Variants in DACH1 observed in about 807,000 individuals in gnomAD.
DACH1 encodes dachshund homolog 1.
In DACH1, 12 loss-of-function variants were observed where a neutral mutation model predicts 54.2. The ratio of observed to expected loss-of-function variants is 0.22; its 90% CI spans 0.14 to 0.36. The LOEUF (loss-of-function observed/expected upper bound fraction) is 0.36. DACH1 is among the 10% of genes least tolerant of loss of function. The pLI is 1.00. For synonymous variants in DACH1, 386 were observed against 366.2 expected (o/e 1.05, Z -0.62); for missense variants, 805 against 929.8 (o/e 0.87, Z 1.75).
intron 1 of DACH1, among the ~76,000 whole-genome samples, chr13:71,748,888 T>C (rs1326482550): frequency 8.3e-4 from 50 of 59,912 alleles, no homozygotes; most frequent in African/African-American, 3.2e-3. Flanking sequence ...CTTTCTTTCT[T>C]TCTTTCTTTC....
At chr13:71,620,471 C>G (rs1876145137) in intron 3 of DACH1, among the ~76,000 whole-genome samples, 2 of 151,746 alleles carry the variant, frequency 1.3e-5, no homozygotes, top group South Asian at 4.2e-4. Flanking sequence ...GATCTGTCTT[C>G]TGAACATAAT....
chr13:71,544,056 C>A (rs976756353), intron 6 of DACH1, among the ~76,000 whole-genome samples: 2 of 152,096 alleles, frequency 1.3e-5, no homozygotes, highest in Non-Finnish European at 2.9e-5. Flanking sequence ...AAGAACCACA[C>A]CTTCTCTCTT....
At chr13:71,727,449 T>C (rs1883523380) in intron 1 of DACH1, among the ~76,000 whole-genome samples, 1 of 152,142 alleles carries the variant, frequency 6.6e-6, no homozygotes, top group African/African-American at 2.4e-5. Flanking sequence ...CCTGTCTTCA[T>C]CACCAAAATC....
chr13:71,750,883 C>G (rs982531424), intron 1 of DACH1, among the ~76,000 whole-genome samples: 8 of 151,946 alleles, frequency 5.3e-5, no homozygotes, highest in Admixed American at 3.9e-4. Flanking sequence ...CCAAGTTAAA[C>G]CAGAAATTCT....
intron 1 of DACH1, among the ~76,000 whole-genome samples, chr13:71,738,053 T>C (rs74099117): frequency 0.04 from 6,034 of 152,236 alleles, 284 homozygotes; most frequent in African/African-American, 0.12. Context: ...AAAACGGACA[T>C]ATATTTGGAA....
chr13:71,866,439 C>A lies in DACH1; in HGVS notation c.331G>T (p.Ala111Ser). 2.1e-6 allele frequency: 3 copies of A among 1,398,914 alleles called. No individual in the cohort carries two copies. Among genetic ancestry groups the A allele is most frequent in the South Asian group, 1.5e-5 (1 of 68,664 alleles). 86.7% of individuals were successfully genotyped at this position (1,398,914 alleles called of 1,614,324 possible). Reference sequence around the variant, plus strand: ...CCGCCGCCGCCGCTGCCGTTGCTCGCGGCCGCCAGGTTGGGGTTGCAGTTG... The same window carrying A: ...CCGCCGCCGCCGCTGCCGTTGCTCGAGGCCGCCAGGTTGGGGTTGCAGTTG... ...GSNCNPNLAA[A>S]SNGSGGGGGG... is the part of the protein sequence containing the mutation. The change falls in exon 1 of 11, where the codon GCG (alanine) becomes TCG (serine). Residue 111 changes from alanine to serine, a missense_variant. Around this residue, in one of 3 missense-constraint regions of DACH1, gnomAD observed 305 missense variants for 308.7 expected, o/e 0.99. Transcript: ENST00000613252.
At chr13:71,814,561 G>T (rs1887837661) in intron 1 of DACH1, among the ~76,000 whole-genome samples, 1 of 152,112 alleles carries the variant, frequency 6.6e-6, no homozygotes, top group Admixed American at 6.6e-5. Context: ...AGCATTAAAG[G>T]ACTGAAATTA....
rs751655595 is a variant in DACH1 at position 71,475,868 on chromosome 13, A to ATAT, written c.1871-22_1871-20dup. 9 of 1,487,252 alleles carry ATAT rather than the reference A, an allele frequency of 6.1e-6. No homozygotes were observed. Among genetic ancestry groups the ATAT allele is most frequent in the Non-Finnish European group, 8.1e-6 (9 of 1,116,782 alleles). The allele number at this position is 1,487,252 out of a possible 1,614,324, so 92.1% of individuals were successfully genotyped here. ...ACTATGGCTAAAAAAGAGTGTATGC[A>ATAT]TATTATTATTATTATTTTTAAATTT... On this transcript the variant is annotated intron_variant, in intron 8 of 10. Transcript: ENST00000613252.
At chr13:71,712,243 A>T (rs991045939) in intron 1 of DACH1, among the ~76,000 whole-genome samples, 18 of 152,078 alleles carry the variant, frequency 1.2e-4, no homozygotes, top group African/African-American at 4.3e-4. Flanking sequence ...TTCAGAAATT[A>T]AATCTTTTTT....
At chr13:71,653,449 CTCTT>C (rs1878823548) in intron 2 of DACH1, among the ~76,000 whole-genome samples, 1 of 152,182 alleles carries the variant, frequency 6.6e-6, no homozygotes. Context: ...TCTCAGAAGG[CTCTT>C]TGAATTTTCA....
chr13:71,757,775 G>A (rs1182586159), intron 1 of DACH1, among the ~76,000 whole-genome samples: 6 of 151,754 alleles, frequency 4.0e-5, no homozygotes, highest in Non-Finnish European at 7.4e-5. Context: ...TGCCCACCTC[G>A]GCCTCCCAAC....
intron 6 of DACH1, among the ~76,000 whole-genome samples, chr13:71,547,482 C>T (rs1883533862): frequency 6.6e-6 from 1 of 152,000 alleles, no homozygotes; most frequent in Non-Finnish European, 1.5e-5. Context: ...GAAACTGTAG[C>T]ATAAGATACT....
At position 71,866,717 on chromosome 13, in the gene DACH1, G is replaced by A; in HGVS notation, c.53C>T (p.Pro18Leu). 2.1e-6 allele frequency: 3 copies of A among 1,447,694 alleles called. No individual in the cohort carries two copies. The highest frequency in any genetic ancestry group is 1.6e-5 in the South Asian group (1 of 63,462). 89.7% of individuals were successfully genotyped at this position (1,447,694 alleles called of 1,614,324 possible). The part of the protein sequence containing the change: ...IPPTQLVPPQ[P>L]PISTSASSSG... The stretch of plus-strand genomic sequence containing the variant: ...GGAGGAAGCAGACGTGGAGATTGGG[G>A]GTTGAGGGGGGACCAGCTGGGTCGG... The change falls in exon 1 of 11, where the codon CCC becomes CTC. Residue 18 changes from proline to leucine, a missense_variant. This residue lies in a region of DACH1 where 305 missense variants were observed against 308.7 expected (regional missense o/e 0.99). Coordinates refer to ENST00000613252, the MANE Select transcript of DACH1 (RefSeq NM_080759.6).
intron 6 of DACH1, among the ~76,000 whole-genome samples, chr13:71,530,866 C>T (rs1882370023): frequency 6.6e-6 from 1 of 151,760 alleles, no homozygotes; most frequent in Admixed American, 6.6e-5. Context: ...TATTTTATTC[C>T]ATTTTATTTC....
At chr13:71,499,105 G>GCA (rs1383727323) in intron 6 of DACH1, among the ~76,000 whole-genome samples, 1 of 123,366 alleles carries the variant, frequency 8.1e-6, no homozygotes, top group Non-Finnish European at 1.7e-5. Context: ...ACACATGCGA[G>GCA]CACGCGCACA....
chr13:71,527,726 A>G (rs760604453), intron 6 of DACH1, among the ~76,000 whole-genome samples: 39 of 152,192 alleles, frequency 2.6e-4, no homozygotes, highest in Non-Finnish European at 4.4e-4. Context: ...TTAAATTAAC[A>G]TATCTCAGCA....
intron 10 of DACH1, among the ~76,000 whole-genome samples, chr13:71,469,776 CA>C (rs1336192723): frequency 9.9e-5 from 15 of 151,952 alleles, no homozygotes; most frequent in African/African-American, 3.6e-4. Flanking sequence ...AAATGTTTAG[CA>C]AACAGAAAGA....
intron 4 of DACH1, among the ~76,000 whole-genome samples, chr13:71,564,552 G>A (rs192805932): frequency 6.6e-6 from 1 of 150,468 alleles, no homozygotes; most frequent in African/African-American, 2.4e-5. Flanking sequence ...TTTGCCTCTG[G>A]GAAGAACAAG....
At chr13:71,446,848 A>G (rs1172175327) in intron 10 of DACH1, among the ~76,000 whole-genome samples, 1 of 152,226 alleles carries the variant, frequency 6.6e-6, no homozygotes, top group Non-Finnish European at 1.5e-5. Context: ...CGTAGTTTCA[A>G]AGAAAATACC....
Sources: allele counts gnomAD v4.1 joint callset (sites outside exome capture counted in the v4.1 genomes callset), GRCh38; gene constraint gnomAD v4.1.1; regional missense constraint gnomAD v4.1.1; transcripts MANE v1.5; gene names NCBI Gene and HGNC (gene_info 2026-07-23, HGNC 2026-07-21).